Variants in SYCP2L observed in about 807,000 individuals in gnomAD.
SYCP2L encodes the protein synaptonemal complex protein 2-like.
Under a neutral mutation model 125.8 loss-of-function variants are expected in SYCP2L, and 98 were observed. The observed-to-expected ratio is 0.78, with a 90% CI of 0.66 to 0.92. The LOEUF (loss-of-function observed/expected upper bound fraction) is 0.92, where lower values mean the gene tolerates loss of function less well. SYCP2L is among the 40% of genes least tolerant of loss of function. SYCP2L has a pLI of 0.00. For missense variants in SYCP2L, 842 were observed against 936.4 expected (o/e 0.90, Z 1.32); for synonymous variants, 317 against 325.4 (o/e 0.97, Z 0.28).
At chr6:10,922,836 GAAAAAAGTAGATTAATTTGAGTAGATT>G (rs1780823117) in intron 14 of SYCP2L, 1 of 151,838 alleles carries the variant, frequency 6.6e-6, no homozygotes, top group Non-Finnish European at 1.5e-5. Context: ...TCACATTAAA[GAAAAAAGTAGATTAATTTGAGTAGATT>G]AAAAAAGTAG....
At chr6:10,887,823 T>C (rs113062902) in intron 1 of SYCP2L, among the ~76,000 whole-genome samples, 1 of 152,210 alleles carries the variant, frequency 6.6e-6, no homozygotes, top group South Asian at 2.1e-4. Context: ...ATAAAATCCA[T>C]CTGTCATCTG....
chr6:10,923,664 CTTCT>C (rs367573896), intron 14 of SYCP2L, among the ~76,000 whole-genome samples: 1 of 120,712 alleles, frequency 8.3e-6, no homozygotes, highest in African/African-American at 3.1e-5. Flanking sequence ...GAGACGCAGA[CTTCT>C]TTCTTTTTCT....
At position 10,954,137 on chromosome 6, in the gene SYCP2L, C is replaced by A. The variant is rs1388489724; in HGVS notation, c.1955-979C>A. On this transcript the variant is annotated intron_variant, in intron 23 of 29. Transcript: ENST00000283141. This position sits in a 1 kb window ranked among gnomAD's most constrained non-coding sequence, Gnocchi z 4.8. ...GAATTAGTGAAATTGAATTCCAGAA[C>A]TTTCAGAGAGAAAAACCAACAGCAA... is the stretch of plus-strand genomic sequence containing the variant. 6.6e-6 allele frequency among the ~76,000 whole-genome samples: 1 copy of A among 152,134 alleles called. No individual in the cohort carries two copies. The highest frequency in any genetic ancestry group is 2.4e-5 in the African/African-American group (1 of 41,420).
At chr6:10,943,503 A>G (rs1781258447) in intron 23 of SYCP2L, among the ~76,000 whole-genome samples, 1 of 130,210 alleles carries the variant, frequency 7.7e-6, no homozygotes, top group Non-Finnish European at 1.6e-5. Context: ...TTTTTTGTTC[A>G]TTCGTGCGTT....
At chr6:10,918,562 G>A (rs1419109920) in intron 14 of SYCP2L, among the ~76,000 whole-genome samples, 3 of 151,634 alleles carry the variant, frequency 2.0e-5, no homozygotes, top group Admixed American at 1.3e-4. Context: ...TTTTGAGACA[G>A]AGTCTCGCTC....
At chr6:10,924,836 T>C (rs1241515936) in intron 15 of SYCP2L, among the ~76,000 whole-genome samples, 195 bp downstream of exon 15, 3 of 152,276 alleles carry the variant, frequency 2.0e-5, no homozygotes, top group Admixed American at 6.5e-5. Context: ...TGTCTTGAGG[T>C]AGGATAGAAA....
At chr6:10,950,182 T>A (rs1781384756) in intron 23 of SYCP2L, among the ~76,000 whole-genome samples, 1 of 150,446 alleles carries the variant, frequency 6.6e-6, no homozygotes, top group Non-Finnish European at 1.5e-5. Flanking sequence ...TTCATTACCT[T>A]TTGCTAACTT....
At chr6:10,888,010 TAC>T (rs1287796659) in intron 1 of SYCP2L, among the ~76,000 whole-genome samples, 1 of 148,026 alleles carries the variant, frequency 6.8e-6, no homozygotes, top group African/African-American at 2.5e-5. Context: ...CTAAGAACAT[TAC>T]AGACATTCTG....
Position 10,892,540 on chromosome 6 carries a change from C to G in SYCP2L, c.78+959C>G, listed in dbSNP as rs1244360123. Among the ~76,000 whole-genome samples the G allele has an allele frequency of 2.0e-5, 3 of 152,168 alleles. No individual in the cohort carries two copies. In the East Asian group the frequency reaches 5.8e-4, roughly 29 times the overall value. On this transcript the variant is annotated intron_variant, in intron 2 of 29. Coordinates refer to ENST00000283141, the MANE Select transcript of SYCP2L (RefSeq NM_001040274.3). ...TGTCAAACTTCTGGGCTTAAGCGAT[C>G]CTCTTGCCTTGGCCTCCTAAAGTGC...
chr6:10,888,374 C>A (rs1333626547), intron 1 of SYCP2L, among the ~76,000 whole-genome samples: 1 of 152,004 alleles, frequency 6.6e-6, no homozygotes. Context: ...GGATTACAGG[C>A]GTGAGCCACA....
At chr6:10,964,982 C>T (rs762157414) in intron 29 of SYCP2L, among the ~76,000 whole-genome samples, 9 of 152,064 alleles carry the variant, frequency 5.9e-5, no homozygotes, top group African/African-American at 1.2e-4. Context: ...AGACTCTCAA[C>T]GAGGTAAGAC....
At position 10,935,129 on chromosome 6, in the gene SYCP2L, A is replaced by G. The variant is rs188656855; in HGVS notation, c.1755A>G (p.Glu585=). ...ACACCACATCTCCAAAGACTTCTGA[A>G]CAAAAATTCCAAGATAGTTTTGCTT... ...QNNTTSPKTS[E]QKFQDSFAFL... is the part of the protein sequence containing the mutation. The change falls in exon 21 of 30, where the codon GAA becomes GAG. Residue 585 remains glutamate, a synonymous_variant. Coordinates refer to ENST00000283141, the MANE Select transcript of SYCP2L (RefSeq NM_001040274.3). 1.9e-6 allele frequency: 3 copies of G among 1,613,332 alleles called. No homozygotes were observed. Among genetic ancestry groups the G allele is most frequent in the African/African-American group, 2.7e-5 (2 of 75,038 alleles).
chr6:10,909,491 C>T (rs1780568870), intron 10 of SYCP2L, among the ~76,000 whole-genome samples: 1 of 152,138 alleles, frequency 6.6e-6, no homozygotes, highest in Non-Finnish European at 1.5e-5. Context: ...AATGGTAGAT[C>T]AGGAGCATAA....
chr6:10,910,612 T>C (rs1780590451), intron 11 of SYCP2L, among the ~76,000 whole-genome samples: 1 of 152,174 alleles, frequency 6.6e-6, no homozygotes, highest in African/African-American at 2.4e-5. Flanking sequence ...GGTTGAGATA[T>C]AGTACTAGTA....
At chr6:10,969,705 C>T (rs1253964941) in intron 29 of SYCP2L, among the ~76,000 whole-genome samples, 2 of 151,874 alleles carry the variant, frequency 1.3e-5, no homozygotes, top group African/African-American at 2.4e-5. Flanking sequence ...TGCAAAGATA[C>T]GTGCAATAAT....
Position 10,912,523 on chromosome 6 carries a change from C to A in SYCP2L, c.919-150C>A. On this transcript the variant is annotated intron_variant, in intron 12 of 29. Coordinates refer to ENST00000283141, the MANE Select transcript of SYCP2L (RefSeq NM_001040274.3). The surrounding 1 kb of genome is among the most constrained non-coding windows in gnomAD (Gnocchi z 4.1). ...ATAAAATTGAGATCCTTCTGTTTTG[C>A]ACAAAAGAGTCAGTCAATAGAGGCC... 1.7e-6 allele frequency: 1 copy of A among 586,306 alleles called. No individual in the cohort carries two copies. Among genetic ancestry groups the A allele is most frequent in the South Asian group, 2.5e-5 (1 of 40,764 alleles). The allele number at this position is 586,306 out of a possible 1,614,324, so 36.3% of individuals were successfully genotyped here.
chr6:10,959,542 G>C (rs73432999), intron 26 of SYCP2L, among the ~76,000 whole-genome samples: 2,831 of 152,172 alleles, frequency 0.019, 86 homozygotes, highest in African/African-American at 0.064. Flanking sequence ...GGTTAAAAGG[G>C]TATAAATATT....
intron 14 of SYCP2L, among the ~76,000 whole-genome samples, chr6:10,917,049 T>A (rs1780706082): frequency 6.6e-6 from 1 of 152,206 alleles, no homozygotes; most frequent in Non-Finnish European, 1.5e-5. Context: ...TGAGGCTTGT[T>A]TTGTGGTCTT....
intron 29 of SYCP2L, among the ~76,000 whole-genome samples, chr6:10,968,957 A>G (rs534739401): frequency 2.0e-5 from 3 of 152,358 alleles, no homozygotes; most frequent in South Asian, 4.1e-4. Context: ...CACAGAGTAC[A>G]TAAGTATGGA....
Sources: gnomAD v4.1 joint callset for allele counts (sites outside exome capture counted in the v4.1 genomes callset) on GRCh38, gnomAD v4.1.1 for gene constraint, Gnocchi (gnomAD v3.1) non-coding constraint, MANE v1.5 for transcripts, NCBI Gene and HGNC (gene_info 2026-07-23, HGNC 2026-07-21) for gene names.